STK32A: variants seen among roughly 807,000 people sequenced by gnomAD.
The protein encoded by STK32A is serine/threonine kinase 32A, also known as serine/threonine-protein kinase 32A.
A neutral mutation model predicts 53.2 loss-of-function variants in STK32A; 41 were observed. The ratio of observed to expected loss-of-function variants is 0.77; its 90% CI spans 0.60 to 1.00. The LOEUF is 1.00. Among genes scored for constraint, STK32A ranks in the 50% least tolerant of loss-of-function variants. STK32A has a pLI of 0.00. For synonymous variants in STK32A, 166 were observed against 162.8 expected (o/e 1.02, Z -0.15); for missense variants, 458 against 485.8 (o/e 0.94, Z 0.54).
intron 4 of STK32A, 101 bp downstream of exon 4, chr5:147,279,499 C>A: frequency 9.5e-7 from 1 of 1,049,928 alleles, no homozygotes; most frequent in Non-Finnish European, 1.3e-6. Flanking sequence ...GGCTGGTATC[C>A]AGGCTCTTGA....
chr5:147,343,100 T>C (rs750225246), intron 6 of STK32A, 57 bp downstream of exon 6: 142 of 1,579,592 alleles, frequency 9.0e-5, no homozygotes, highest in Non-Finnish European at 1.2e-4. Context: ...AAAAGTTGAT[T>C]GTTCCCAGCA....
intron 4 of STK32A, among the ~76,000 whole-genome samples, chr5:147,321,942 G>A (rs1201510844): frequency 6.6e-6 from 1 of 152,092 alleles, no homozygotes; most frequent in Non-Finnish European, 1.5e-5. Flanking sequence ...ATCCTAAAAG[G>A]CCTTGCTTAC....
intron 2 of STK32A, among the ~76,000 whole-genome samples, chr5:147,265,265 T>C (rs992836149): frequency 6.6e-6 from 1 of 151,866 alleles, no homozygotes; most frequent in African/African-American, 2.4e-5. Flanking sequence ...TGCAAGTCTG[T>C]CTGATGTGAA....
At chr5:147,395,656 G>T in the STK32A span, 31 of 1,613,998 alleles carry the variant, frequency 1.9e-5, 1 homozygote, top group South Asian at 3.3e-4. Flanking sequence ...CACCTTTGGG[G>T]GTGGTGGTCA....
chr5:147,287,388 G>T (rs1287973221), intron 4 of STK32A, among the ~76,000 whole-genome samples: 1 of 152,110 alleles, frequency 6.6e-6, no homozygotes, highest in Non-Finnish European at 1.5e-5. Flanking sequence ...GAAAAAAAAG[G>T]GTCTTTATTC....
intron 6 of STK32A, among the ~76,000 whole-genome samples, chr5:147,346,797 C>T (rs546854003): frequency 6.6e-6 from 1 of 152,268 alleles, no homozygotes; most frequent in East Asian, 1.9e-4. Context: ...ACAGTAATGT[C>T]TGCCTGACAT....
At chr5:147,332,372 T>C (rs1214292785) in intron 5 of STK32A, among the ~76,000 whole-genome samples, 1 of 151,934 alleles carries the variant, frequency 6.6e-6, no homozygotes, top group Admixed American at 6.6e-5. Flanking sequence ...ATACCACTTC[T>C]CCTGTCCAAG....
chr5:147,371,430 C>T (rs993379133), intron 9 of STK32A, among the ~76,000 whole-genome samples: 7 of 152,040 alleles, frequency 4.6e-5, no homozygotes, highest in African/African-American at 1.7e-4. Flanking sequence ...CCTTTTTCTT[C>T]TTCTTTTCTT....
At chr5:147,278,882 T>C (rs534891023) in intron 3 of STK32A, among the ~76,000 whole-genome samples, 32 of 152,296 alleles carry the variant, frequency 2.1e-4, no homozygotes, top group Non-Finnish European at 3.4e-4. Context: ...TGCACAGTAT[T>C]ATTCAGCTTG....
the STK32A span, among the ~76,000 whole-genome samples, chr5:147,396,455 C>G: frequency 6.6e-6 from 1 of 152,202 alleles, no homozygotes; most frequent in African/African-American, 2.4e-5. Flanking sequence ...GGCACACAAC[C>G]TCCACCCATT....
chr5:147,361,033 A>C (rs2151998093), intron 7 of STK32A, among the ~76,000 whole-genome samples: 1 of 152,290 alleles, frequency 6.6e-6, no homozygotes, highest in East Asian at 1.9e-4. Context: ...CATCCCCAAC[A>C]GATGGCTGCA....
At chr5:147,280,997 G>A (rs1752039738) in intron 4 of STK32A, among the ~76,000 whole-genome samples, 1 of 152,132 alleles carries the variant, frequency 6.6e-6, no homozygotes, top group East Asian at 1.9e-4. Context: ...GCCTGGAGCT[G>A]GGTAGGCTAG....
At chr5:147,248,200 G>A (rs1348755059) in intron 2 of STK32A, among the ~76,000 whole-genome samples, 4 of 151,712 alleles carry the variant, frequency 2.6e-5, no homozygotes, top group Non-Finnish European at 5.9e-5. Context: ...GTTAGATTTG[G>A]CCCATGGGGC....
chr5:147,259,715 GTCTC>G (rs1016651044), intron 2 of STK32A, among the ~76,000 whole-genome samples: 6 of 151,866 alleles, frequency 4.0e-5, no homozygotes, highest in Admixed American at 2.0e-4. Flanking sequence ...CTGACTTTCT[GTCTC>G]TTTCTTTCTG....
chr5:147,281,186 C>T (rs1752048663), intron 4 of STK32A, among the ~76,000 whole-genome samples: 1 of 152,094 alleles, frequency 6.6e-6, no homozygotes, highest in South Asian at 2.1e-4. Flanking sequence ...AGTAATATGA[C>T]AAAACAAGGC....
intron 2 of STK32A, among the ~76,000 whole-genome samples, chr5:147,248,167 A>T (rs1753835022): frequency 6.6e-6 from 1 of 151,162 alleles, no homozygotes; most frequent in South Asian, 2.1e-4. Context: ...TTAGTTCATG[A>T]GCTATACAAA....
chr5:147,394,291 T>C, the STK32A span, among the ~76,000 whole-genome samples: 1 of 152,194 alleles, frequency 6.6e-6, no homozygotes, highest in Non-Finnish European at 1.5e-5. Flanking sequence ...CTTCTAGACT[T>C]TTCTTATGGC....
rs770943913 is a variant in STK32A at position 147,383,960 on chromosome 5, G to A, written c.1168G>A (p.Asp390Asn). The change falls in exon 13 of 13, where the codon GAT becomes AAT. Residue 390 changes from aspartate (D) to asparagine (N), a missense_variant. Physicochemically the swap from Asp to Asn is conservative, Grantham distance 23. Coordinates refer to ENST00000397936, the MANE Select transcript of STK32A (RefSeq NM_001112724.2). ...ACAAACCAAAGACCCACAAGGTGAG[G>A]ATGGTCAGAATAACAACTTGTAAAG... ...LEQTKDPQGEDGQNNNL is the reference protein window; with the variant it reads ...LEQTKDPQGENGQNNNL 43 of 1,607,436 alleles carry A rather than the reference G, an allele frequency of 2.7e-5. No individual in the cohort carries two copies. The highest frequency in any genetic ancestry group is 3.6e-5 in the Non-Finnish European group (42 of 1,177,954).
chr5:147,262,639 T>C (rs1048385003), intron 2 of STK32A, among the ~76,000 whole-genome samples: 4 of 151,572 alleles, frequency 2.6e-5, no homozygotes, highest in Non-Finnish European at 4.4e-5. Flanking sequence ...AGATGCTGAA[T>C]AGAACACATT....
Sources: gnomAD v4.1 joint callset for allele counts (sites outside exome capture counted in the v4.1 genomes callset) on GRCh38, gnomAD v4.1.1 for gene constraint, MANE v1.5 for transcripts, NCBI Gene and HGNC (gene_info 2026-07-23, HGNC 2026-07-21) for gene names.